PPFIBP2: variants seen among roughly 807,000 people sequenced by gnomAD.
PPFIBP2 encodes PPFIB scaffold protein 2.
Under a neutral mutation model 118.3 loss-of-function variants are expected in PPFIBP2, and 118 were observed. The ratio of observed to expected loss-of-function variants is 1.00; its 90% confidence interval spans 0.86 to 1.16. PPFIBP2 has a LOEUF of 1.16. Ranked by LOEUF, PPFIBP2 falls within the 50% of genes most tolerant of loss-of-function variation. PPFIBP2 has a pLI of 0.00. For synonymous variants in PPFIBP2, 414 were observed against 397.4 expected (o/e 1.04, Z -0.50); for missense variants, 1,195 against 1,073.1 (o/e 1.11, Z -1.59).
In PPFIBP2 at chr11:7,651,266, G is replaced by A. The variant is rs113323168; in HGVS notation, c.2247+301G>A. ...GGAACAGCAGGGCTGAGGAAGGGAC[G>A]GGGAAGCCGTAAAAATGCAGCTTCC... On this transcript the variant is annotated intron_variant, in intron 22 of 23. Coordinates refer to ENST00000299492, the MANE Select transcript of PPFIBP2 (RefSeq NM_003621.5). 4.5e-3 allele frequency: 1,488 copies of A among 334,274 alleles called. 20 individuals carry two copies. Among genetic ancestry groups the A allele is most frequent in the African/African-American group, 0.026 (1,273 of 48,316 alleles). The allele number at this position is 334,274 out of a possible 1,614,324, so 20.7% of individuals were successfully genotyped here.
chr11:7,578,538 C>G, intron 3 of PPFIBP2, among the ~76,000 whole-genome samples: 1 of 152,188 alleles, frequency 6.6e-6, no homozygotes, highest in East Asian at 1.9e-4. Flanking sequence ...CAAATCTGTA[C>G]TGAGTTTGGG....
At chr11:7,525,566 C>T (rs1421041001) in intron 1 of PPFIBP2, among the ~76,000 whole-genome samples, 1 of 152,166 alleles carries the variant, frequency 6.6e-6, no homozygotes, top group Non-Finnish European at 1.5e-5. Context: ...AAGTCCATGA[C>T]AAGGTAGAGA....
chr11:7,523,176 C>CA (rs1003892010), intron 1 of PPFIBP2, among the ~76,000 whole-genome samples: 9 of 152,264 alleles, frequency 5.9e-5, no homozygotes, highest in African/African-American at 1.9e-4. Flanking sequence ...TCGGGAGACT[C>CA]AGTGGCCCTG....
the PPFIBP2 span, among the ~76,000 whole-genome samples, chr11:7,663,810 C>T: frequency 2.3e-4 from 35 of 152,218 alleles, no homozygotes; most frequent in Middle Eastern, 3.4e-3. Context: ...ACTCCCTGGG[C>T]GTATGACCCT....
At chr11:7,533,482 C>T (rs558350248) in intron 1 of PPFIBP2, among the ~76,000 whole-genome samples, 1 of 152,190 alleles carries the variant, frequency 6.6e-6, no homozygotes. Flanking sequence ...TCCTTGCTCT[C>T]TAGCAGTTAA....
downstream of PPFIBP2, among the ~76,000 whole-genome samples, chr11:7,655,787 G>T (rs1854630995): frequency 1.3e-5 from 2 of 151,518 alleles, no homozygotes; most frequent in African/African-American, 4.9e-5. Flanking sequence ...CCCAGGCTTA[G>T]AGATGAGGAA....
chr11:7,632,160 A>C (rs533267295), intron 11 of PPFIBP2, among the ~76,000 whole-genome samples: 1 of 152,282 alleles, frequency 6.6e-6, no homozygotes, highest in South Asian at 2.1e-4. Flanking sequence ...TCCCCCTGTA[A>C]TGTTCTTTCC....
chr11:7,620,812 T>A (rs1241705419), intron 6 of PPFIBP2, 123 bp from the exon 7 acceptor site: 4 of 715,366 alleles, frequency 5.6e-6, no homozygotes, highest in Non-Finnish European at 1.0e-5. Flanking sequence ...GTTTAAAGAT[T>A]AAAGCTGTTA....
At chr11:7,563,483 AT>A (rs1854584352) in intron 2 of PPFIBP2, among the ~76,000 whole-genome samples, 1 of 152,102 alleles carries the variant, frequency 6.6e-6, no homozygotes, top group Admixed American at 6.5e-5. Flanking sequence ...TGTATCATGC[AT>A]TTTCAGAAAG....
chr11:7,585,243 A>G (rs902055690), intron 3 of PPFIBP2, among the ~76,000 whole-genome samples: 3 of 152,210 alleles, frequency 2.0e-5, no homozygotes, highest in African/African-American at 7.2e-5. Flanking sequence ...ATTGATATCA[A>G]AAAAAGGAAG....
At chr11:7,538,771 C>T (rs1590160862) in intron 1 of PPFIBP2, among the ~76,000 whole-genome samples, 3 of 152,286 alleles carry the variant, frequency 2.0e-5, no homozygotes, top group South Asian at 4.1e-4. Flanking sequence ...GGGAAAAAGA[C>T]GCTAAGCAAG....
At chr11:7,663,821 C>T in the PPFIBP2 span, among the ~76,000 whole-genome samples, 1 of 152,252 alleles carries the variant, frequency 6.6e-6, no homozygotes, top group Admixed American at 6.5e-5. Flanking sequence ...GTATGACCCT[C>T]CCAGCCAGGT....
chr11:7,621,107 A>G, intron 7 of PPFIBP2, 80 bp downstream of exon 7: 1 of 1,112,848 alleles, frequency 9.0e-7, no homozygotes, highest in Non-Finnish European at 1.4e-6. Context: ...GGGGGTTTCC[A>G]GTAGCCTAAG....
chr11:7,591,817 C>T (rs909503857), intron 3 of PPFIBP2, among the ~76,000 whole-genome samples: 1 of 152,174 alleles, frequency 6.6e-6, no homozygotes, highest in Admixed American at 6.5e-5. Context: ...GGTTTGAATG[C>T]GGTATGCTTG....
intron 3 of PPFIBP2, among the ~76,000 whole-genome samples, chr11:7,570,664 C>G (rs911185739): frequency 6.6e-6 from 1 of 152,082 alleles, no homozygotes; most frequent in Non-Finnish European, 1.5e-5. Flanking sequence ...CAATAGGAAC[C>G]CAGGCTTTTC....
chr11:7,574,181 G>A (rs1431641318), intron 3 of PPFIBP2, among the ~76,000 whole-genome samples: 1 of 152,200 alleles, frequency 6.6e-6, no homozygotes, highest in Non-Finnish European at 1.5e-5. Flanking sequence ...CCCACAGCTG[G>A]CTGCTGCATG....
At chr11:7,661,062 C>A (rs1355958115), downstream of PPFIBP2, among the ~76,000 whole-genome samples, 14 of 151,992 alleles carry the variant, frequency 9.2e-5, no homozygotes, top group African/African-American at 3.4e-4. Flanking sequence ...GTTTTGCTAG[C>A]AGTCTATCAA....
At chr11:7,655,360 G>C (rs1189696479), downstream of PPFIBP2, 1 of 1,163,262 alleles carries the variant, frequency 8.6e-7, no homozygotes, top group Non-Finnish European at 1.1e-6. Flanking sequence ...GAGCACGACA[G>C]GACTTGCATG....
chr11:7,554,004 T>G (rs1222864131), intron 2 of PPFIBP2, among the ~76,000 whole-genome samples: 1 of 152,158 alleles, frequency 6.6e-6, no homozygotes, highest in South Asian at 2.1e-4. Flanking sequence ...TTCCTTTGCT[T>G]AAGGGTGGCA....
Sources: gnomAD v4.1 joint callset for allele counts (sites outside exome capture counted in the v4.1 genomes callset) on GRCh38, gnomAD v4.1.1 for gene constraint, MANE v1.5 for transcripts, NCBI Gene and HGNC (gene_info 2026-07-23, HGNC 2026-07-21) for gene names.